The following SLC35F3 variants were observed in gnomAD, a reference collection of about 807,000 sequenced individuals.
The protein encoded by SLC35F3 is solute carrier family 35 member F3.
SLC35F3 carries 25 observed loss-of-function variants against 49.9 expected under a neutral mutation model. The observed-to-expected ratio is 0.50, with a 90% CI of 0.37 to 0.70. The LOEUF is 0.70. Among genes scored for constraint, SLC35F3 ranks in the 30% least tolerant of loss-of-function variants. The pLI is 0.00. For synonymous variants in SLC35F3, 275 were observed against 265.4 expected, an observed-to-expected ratio of 1.04 and a Z score of -0.35; for missense variants, 525 against 639.8, an observed-to-expected ratio of 0.82 and a Z score of 1.94.
intron 3 of SLC35F3, among the ~76,000 whole-genome samples, chr1:234,237,233 T>C (rs1190150864): frequency 1.3e-5 from 2 of 151,890 alleles, no homozygotes; most frequent in African/African-American, 4.8e-5. Flanking sequence ...ACATAAGAGG[T>C]GGAATGACTG....
intron 3 of SLC35F3, among the ~76,000 whole-genome samples, chr1:234,263,002 G>A (rs1429377468): frequency 6.6e-6 from 1 of 152,204 alleles, no homozygotes; most frequent in Non-Finnish European, 1.5e-5. Context: ...GAGCAGATAT[G>A]CCAGTGATCA....
chr1:234,188,877 C>T (rs1474782816), intron 2 of SLC35F3, among the ~76,000 whole-genome samples: 1 of 152,154 alleles, frequency 6.6e-6, no homozygotes, highest in Non-Finnish European at 1.5e-5. Flanking sequence ...TATCACAGGA[C>T]TCTATGCAGA....
rs1334298380 is a variant in SLC35F3, at chr1:234,318,756, G to A, written c.960G>A (p.Leu320=). 6.2e-7 allele frequency: 1 copy of A among 1,613,656 alleles called. No individual in the cohort carries two copies. The highest frequency in any genetic ancestry group is 8.5e-7 in the Non-Finnish European group (1 of 1,179,800). Residue 320 remains leucine, a synonymous_variant, in exon 6 of 8, where the codon TTG becomes TTA. Transcript: ENST00000366618. ...SASMSALYKV[L]FKLLLGSAKF... is the part of the protein sequence containing the mutation. Reference sequence around the variant, plus strand: ...TCCTCTGCTTTCTCCTACAGGTTTTGTTCAAGCTCCTCCTGGGCAGTGCTA... The same window carrying A: ...TCCTCTGCTTTCTCCTACAGGTTTTATTCAAGCTCCTCCTGGGCAGTGCTA...
At chr1:234,138,713 A>T (rs1344328197) in intron 2 of SLC35F3, among the ~76,000 whole-genome samples, 1 of 152,072 alleles carries the variant, frequency 6.6e-6, no homozygotes, top group Non-Finnish European at 1.5e-5. Context: ...ATGCTTAGCT[A>T]ATTTTTTATT....
intron 2 of SLC35F3, among the ~76,000 whole-genome samples, chr1:233,954,215 C>T (rs1392493967): frequency 6.6e-6 from 1 of 152,194 alleles, no homozygotes; most frequent in Non-Finnish European, 1.5e-5. Context: ...GCCGTGTTAG[C>T]CAGGATGGTC....
At chr1:233,977,632 A>G (rs896159146) in intron 2 of SLC35F3, among the ~76,000 whole-genome samples, 1 of 152,178 alleles carries the variant, frequency 6.6e-6, no homozygotes, top group Non-Finnish European at 1.5e-5. Context: ...ATGTGCTGAT[A>G]AATTGTACTA....
At chr1:234,309,944 G>C (rs1324295473) in intron 4 of SLC35F3, among the ~76,000 whole-genome samples, 2 of 152,134 alleles carry the variant, frequency 1.3e-5, no homozygotes, top group African/African-American at 2.4e-5. Flanking sequence ...TTACAACCGA[G>C]ACCCAGTCAA....
chr1:233,923,772 T>C (rs1662107608), intron 2 of SLC35F3, among the ~76,000 whole-genome samples: 1 of 152,212 alleles, frequency 6.6e-6, no homozygotes, highest in Non-Finnish European at 1.5e-5. Flanking sequence ...TAGTATGATA[T>C]TGGCTGTGAG....
At chr1:234,176,716 A>G (rs1666481204) in intron 2 of SLC35F3, among the ~76,000 whole-genome samples, 1 of 152,162 alleles carries the variant, frequency 6.6e-6, no homozygotes, top group Non-Finnish European at 1.5e-5. Flanking sequence ...GTCATAAAAA[A>G]TGCAAGTCCC....
chr1:234,319,706 T>TCAAAACAAAA lies in SLC35F3; in HGVS notation c.1148-371_1148-362dup, dbSNP rs59381769. Among the ~76,000 whole-genome samples the TCAAAACAAAA allele has an allele frequency of 4.1e-3, 626 of 151,534 alleles. 4 individuals are homozygous for TCAAAACAAAA. The highest frequency in any genetic ancestry group is 0.013 in the African/African-American group (536 of 41,110). ...CTGGGTGATAGTGCAAGACTGTGCC[T>TCAAAACAAAA]CAAAACAAAACAAAACAAAACAAAA... On this transcript the variant is annotated intron_variant, in intron 6 of 7. Transcript: ENST00000366618.
chr1:234,211,587 G>C (rs1016266621), intron 2 of SLC35F3, among the ~76,000 whole-genome samples: 1 of 152,244 alleles, frequency 6.6e-6, no homozygotes, highest in Admixed American at 6.5e-5. Flanking sequence ...TGCCCTGCTA[G>C]ATTTTGGACT....
At chr1:234,043,433 G>A (rs4920168) in intron 2 of SLC35F3, among the ~76,000 whole-genome samples, 57,513 of 151,910 alleles carry the variant, frequency 0.38, 13,626 homozygotes, top group African/African-American at 0.67. Context: ...TAATATAAAA[G>A]GTAAATATAT....
chr1:234,109,960 C>T (rs10495342), intron 2 of SLC35F3, among the ~76,000 whole-genome samples: 1 of 152,072 alleles, frequency 6.6e-6, no homozygotes, highest in African/African-American at 2.4e-5. Flanking sequence ...TAGAGAACAG[C>T]AACTAGCTCT....
At chr1:234,221,277 G>A (rs1436476419) in intron 2 of SLC35F3, among the ~76,000 whole-genome samples, 1 of 152,154 alleles carries the variant, frequency 6.6e-6, no homozygotes, top group Non-Finnish European at 1.5e-5. Flanking sequence ...TTAAGGGGGA[G>A]GGAGATAACT....
At chr1:234,119,296 G>C (rs1665538630) in intron 2 of SLC35F3, among the ~76,000 whole-genome samples, 1 of 142,220 alleles carries the variant, frequency 7.0e-6, no homozygotes, top group East Asian at 3.3e-4. Flanking sequence ...TCAATTCATG[G>C]TGATTTTTTT....
At chr1:234,314,189 G>T (rs1287157979) in intron 4 of SLC35F3, among the ~76,000 whole-genome samples, 2 of 152,216 alleles carry the variant, frequency 1.3e-5, no homozygotes, top group African/African-American at 2.4e-5. Flanking sequence ...AACTGATGGG[G>T]TGGCACAGGC....
At chr1:233,976,182 G>A (rs374675384) in intron 2 of SLC35F3, among the ~76,000 whole-genome samples, 1 of 152,126 alleles carries the variant, frequency 6.6e-6, no homozygotes, top group Non-Finnish European at 1.5e-5. Flanking sequence ...TAAGTAGCCT[G>A]GCTCTTTATC....
At chr1:233,991,750 A>G (rs1291901140) in intron 2 of SLC35F3, among the ~76,000 whole-genome samples, 1 of 152,202 alleles carries the variant, frequency 6.6e-6, no homozygotes, top group Non-Finnish European at 1.5e-5. Context: ...CTTCAAAGGT[A>G]CCTTTCATGC....
At chr1:234,129,724 A>C (rs2102897608) in intron 2 of SLC35F3, among the ~76,000 whole-genome samples, 1 of 152,354 alleles carries the variant, frequency 6.6e-6, no homozygotes, top group South Asian at 2.1e-4. Context: ...ATAGACAAAT[A>C]GATAATAGAA....
Sources: allele counts gnomAD v4.1 joint callset (sites outside exome capture counted in the v4.1 genomes callset), GRCh38; gene constraint gnomAD v4.1.1; transcripts MANE v1.5; gene names NCBI Gene and HGNC (gene_info 2026-07-23, HGNC 2026-07-21).